TMC2: variants seen among roughly 807,000 people sequenced by gnomAD.
TMC2 encodes the protein transmembrane channel like 2, also known as transmembrane channel-like protein 2.
In TMC2, 102 loss-of-function variants were observed where a neutral mutation model predicts 105.9. The observed-to-expected ratio is 0.96, with a 90% CI of 0.82 to 1.14. TMC2 has a LOEUF of 1.14. Ranked by LOEUF, TMC2 falls within the 50% of genes most tolerant of loss-of-function variation. TMC2 has a pLI of 0.00. For synonymous variants in TMC2, 402 were observed against 422.8 expected, an observed-to-expected ratio of 0.95 and a Z score of 0.60; for missense variants, 1,093 against 1,134.3, an observed-to-expected ratio of 0.96 and a Z score of 0.52.
At chr20:2,591,629 A>G (rs2086269045) in intron 7 of TMC2, among the ~76,000 whole-genome samples, 1 of 152,100 alleles carries the variant, frequency 6.6e-6, no homozygotes, top group South Asian at 2.1e-4. Context: ...CACGTGAGCC[A>G]GGGAGGCAGA....
intron 17 of TMC2, among the ~76,000 whole-genome samples, 180 bp from the exon 18 acceptor site, chr20:2,635,746 T>C (rs924436257): frequency 6.6e-6 from 1 of 152,194 alleles, no homozygotes; most frequent in South Asian, 2.1e-4. Flanking sequence ...CATAATAAAA[T>C]AGAGAGGATG....
At chr20:2,550,164 A>G (rs926486647) in intron 2 of TMC2, among the ~76,000 whole-genome samples, 15 of 148,042 alleles carry the variant, frequency 1.0e-4, no homozygotes, top group African/African-American at 3.8e-4. Context: ...CAGCCTGGGC[A>G]ACAGAGCCAG....
rs756782941 is a variant in TMC2 at position 2,558,705 on chromosome 20, C to T, written c.332C>T (p.Thr111Ile). 26 of 1,604,408 alleles carry T rather than the reference C, an allele frequency of 1.6e-5. No individual in the cohort carries two copies. The highest frequency in any genetic ancestry group is 2.1e-5 in the Non-Finnish European group (25 of 1,175,432). Residue 111 changes from threonine (T) to isoleucine (I), a missense_variant, in exon 3 of 20, where the codon ACA becomes ATA. By Grantham distance (89) the Thr-to-Ile change is moderately conservative. Transcript: ENST00000358864. This position sits in a 1 kb window ranked among gnomAD's most constrained non-coding sequence, Gnocchi z 4.6. ...GAGAGGGCCTCCTTCCAGGAGCGGACAGCAGCCCCAAAGAGGGAAAAGGAG... is the reference window on the plus strand; with the variant it reads ...GAGAGGGCCTCCTTCCAGGAGCGGATAGCAGCCCCAAAGAGGGAAAAGGAG... ...RDERASFQER[T>I]AAPKREKEIP...
At chr20:2,541,968 T>G (rs1275064868) in intron 2 of TMC2, among the ~76,000 whole-genome samples, 1 of 152,202 alleles carries the variant, frequency 6.6e-6, no homozygotes, top group African/African-American at 2.4e-5. Context: ...ACGGTCTTTG[T>G]GTCCTCCCCC....
chr20:2,637,387 C>CAAA (rs59750367), intron 18 of TMC2, 87 bp from the exon 19 acceptor site: 32,295 of 610,230 alleles, frequency 0.053, 1,304 homozygotes, highest in Middle Eastern at 0.076. Flanking sequence ...GACTCTGTCT[C>CAAA]AAAAAAAAAA....
intron 7 of TMC2, among the ~76,000 whole-genome samples, chr20:2,583,171 C>A (rs2086207190): frequency 6.6e-6 from 1 of 152,182 alleles, no homozygotes; most frequent in Non-Finnish European, 1.5e-5. Context: ...TCCAATGATC[C>A]TTCTCTCCTG....
At position 2,593,871 on chromosome 20, in the gene TMC2, T is replaced by G. The variant is rs545979067; in HGVS notation, c.934-954T>G. On this transcript the variant is annotated intron_variant, in intron 8 of 19. Coordinates refer to ENST00000358864, the MANE Select transcript of TMC2 (RefSeq NM_080751.3). ...TTCTTAATTGGGTTTACAAAGGAAC[T>G]GTTCATGACCTGGCTGCTCCCTACC... 2.6e-5 allele frequency among the ~76,000 whole-genome samples: 4 copies of G among 152,324 alleles called. No homozygotes were observed. In the East Asian group the frequency reaches 7.7e-4, roughly 29 times the overall value.
Position 2,635,979 on chromosome 20 carries a change from C to T in TMC2, c.2360C>T (p.Ala787Val). The T allele has an allele frequency of 6.2e-7, 1 of 1,614,000 alleles. No individual in the cohort carries two copies. The highest frequency in any genetic ancestry group is 1.6e-4 in the Middle Eastern group (1 of 6,062). Residue 787 changes from alanine to valine, a missense_variant, in exon 18 of 20, where the codon GCC becomes GTC. Physicochemically the swap from Ala to Val is moderately conservative, Grantham distance 64. Coordinates refer to ENST00000358864, the MANE Select transcript of TMC2 (RefSeq NM_080751.3). Reference protein sequence around the residue: ...SVSKSLSRANAQLRKKIQVLR... With the variant: ...SVSKSLSRANVQLRKKIQVLR... ...TCCAAAAGCCTTTCCCGAGCTAATG[C>T]CCAGCTGAGGAAGAAAATCCAAGTG... is the stretch of plus-strand genomic sequence containing the variant.
rs1883980 is a variant in TMC2 at position 2,572,280 on chromosome 20, T to C, written c.645+11T>C. 886,531 of 1,601,112 alleles carry C rather than the reference T, an allele frequency of 0.55. 248,534 individuals are homozygous for C. The highest frequency in any genetic ancestry group is 0.64 in the South Asian group (58,486 of 90,734). On this transcript the variant is annotated intron_variant, in intron 5 of 19. Coordinates refer to ENST00000358864, the MANE Select transcript of TMC2 (RefSeq NM_080751.3). ...ATGCTGATGGCCAAGGTGTGTGGGG[T>C]GGGGGCAGTGAATCTGTTGGGAGGG...
intron 17 of TMC2, among the ~76,000 whole-genome samples, chr20:2,634,158 A>G (rs2086625361): frequency 1.3e-5 from 2 of 152,152 alleles, no homozygotes; most frequent in Non-Finnish European, 2.9e-5. Context: ...CAGCTACAGG[A>G]TAGTCTGATG....
At position 2,637,570 on chromosome 20, in the gene TMC2, C is replaced by T; in HGVS notation, c.2482C>T (p.Gln828Ter). 1 of 1,613,248 alleles carries T rather than the reference C, an allele frequency of 6.2e-7. No individual in the cohort carries two copies. Among genetic ancestry groups the T allele is most frequent in the Non-Finnish European group, 8.5e-7 (1 of 1,179,272 alleles). The change falls in exon 19 of 20, where the codon CAG becomes TAG. Residue 828 changes from glutamine (Q) to a stop codon, truncating the protein, a stop_gained. Coordinates refer to ENST00000358864, the MANE Select transcript of TMC2 (RefSeq NM_080751.3). LOFTEE classifies it low-confidence loss of function (END_TRUNC). The stretch of plus-strand genomic sequence containing the variant: ...TAAAAGCAGCTCCAAAAATGCCACC[C>T]AGCTCCAACTCACCAAGGAAGGTAA... ...TPKSSSKNAT[Q>*]LQLTKEETTP...
At chr20:2,625,687 C>G (rs2086559630) in intron 17 of TMC2, among the ~76,000 whole-genome samples, 1 of 152,228 alleles carries the variant, frequency 6.6e-6, no homozygotes, top group Admixed American at 6.5e-5. Context: ...CTATTGCAAA[C>G]TGCGCTCCAG....
At position 2,643,522 on chromosome 20, in the gene TMC2, T is replaced by C. The variant is rs2086702102; in HGVS notation, c.*2171T>C. ...AATGTATATGTCATCTAATGCTGCA[T>C]AACAAATTATTCCCAAAACATAACA... On this transcript the variant is annotated 3_prime_UTR_variant, in exon 20 of 20. Transcript: ENST00000358864. Among the ~76,000 whole-genome samples the C allele has an allele frequency of 6.6e-6, 1 of 152,262 alleles. No homozygotes were observed. Among genetic ancestry groups the C allele is most frequent in the Non-Finnish European group, 1.5e-5 (1 of 68,048 alleles).
At position 2,617,289 on chromosome 20, in the gene TMC2, T is replaced by C. The variant is rs149664516; in HGVS notation, c.2158T>C (p.Ser720Pro). ...CTACACCATCATGTCCCTCCCACCC[T>C]CCTTTGACTGCGGGCCGTTCAGGTG... is the stretch of plus-strand genomic sequence containing the variant. ...VAYTIMSLPP[S>P]FDCGPFSGKN... Residue 720 changes from serine to proline, a missense_variant, in exon 16 of 20, where the codon TCC (serine) becomes CCC (proline). Ser to Pro is a moderately conservative substitution (Grantham distance 74). Coordinates refer to ENST00000358864, the MANE Select transcript of TMC2 (RefSeq NM_080751.3). 18 of 1,613,988 alleles carry C rather than the reference T, an allele frequency of 1.1e-5. No individual in the cohort carries two copies. The highest frequency in any genetic ancestry group is 8.3e-5 in the Admixed American group (5 of 59,998).
chr20:2,598,336 AC>A (rs1159778299), intron 10 of TMC2, among the ~76,000 whole-genome samples: 2 of 152,170 alleles, frequency 1.3e-5, no homozygotes, highest in African/African-American at 2.4e-5. Context: ...AGGTGGGCAA[AC>A]CTTTGCACGT....
At chr20:2,561,404 C>G (rs1242837536) in intron 3 of TMC2, among the ~76,000 whole-genome samples, 2 of 152,174 alleles carry the variant, frequency 1.3e-5, no homozygotes, top group Non-Finnish European at 2.9e-5. Flanking sequence ...ACAAAATGAA[C>G]AGTGACCTTT....
chr20:2,544,851 G>A lies in TMC2; in HGVS notation c.82+7535G>A, dbSNP rs189156890. On this transcript the variant is annotated intron_variant, in intron 2 of 19. Transcript: ENST00000358864. ...AAGGTGGGAAGATCACATGAGGCCA[G>A]GAGTTCAAGGCCAGTCTGGACAACA... Among the ~76,000 whole-genome samples, 237 of 152,254 alleles carry A rather than the reference G, an allele frequency of 1.6e-3. 1 individual carries two copies. Among genetic ancestry groups the A allele is most frequent in the Non-Finnish European group, 1.8e-3 (125 of 68,020 alleles).
chr20:2,617,483 G>A, intron 16 of TMC2, 172 bp downstream of exon 16: 3 of 848,266 alleles, frequency 3.5e-6, no homozygotes, highest in Non-Finnish European at 3.6e-6. Flanking sequence ...GAAATGTTAG[G>A]TCGTTCTGTG....
chr20:2,564,026 C>A (rs948582089), intron 4 of TMC2, among the ~76,000 whole-genome samples: 1 of 152,070 alleles, frequency 6.6e-6, no homozygotes, highest in African/African-American at 2.4e-5. Flanking sequence ...CCACACCTGG[C>A]CCATTTGTCA....
Sources: allele counts gnomAD v4.1 joint callset (sites outside exome capture counted in the v4.1 genomes callset), GRCh38; gene constraint gnomAD v4.1.1; non-coding constraint Gnocchi (gnomAD v3.1); transcripts MANE v1.5; gene names NCBI Gene and HGNC (gene_info 2026-07-23, HGNC 2026-07-21).